The following DMGDH variants were observed in gnomAD, a reference collection of about 807,000 sequenced individuals.
DMGDH encodes dimethylglycine dehydrogenase, mitochondrial.
Under a neutral mutation model 95.2 loss-of-function variants are expected in DMGDH, and 76 were observed. That is an observed-to-expected ratio of 0.80 (90% CI 0.66 to 0.97). The LOEUF (loss-of-function observed/expected upper bound fraction) is 0.97. DMGDH is among the 50% of genes least tolerant of loss of function. The probability of loss-of-function intolerance (pLI) is 0.00; values close to 1 mark genes in which losing one functional copy is unlikely to be tolerated. For synonymous variants in DMGDH, 345 were observed against 377.6 expected (o/e 0.91, Z 1.00); for missense variants, 987 against 1,055.0 (o/e 0.94, Z 0.89).
chr5:79,029,826 T>C (rs918806785), intron 11 of DMGDH, 78 bp downstream of exon 11: 5 of 1,438,088 alleles, frequency 3.5e-6, no homozygotes, highest in African/African-American at 2.9e-5. Context: ...TTTCGAGTAC[T>C]GGTAAAAAGA....
chr5:79,017,074 T>C (rs1753747469), intron 14 of DMGDH, among the ~76,000 whole-genome samples: 1 of 151,640 alleles, frequency 6.6e-6, no homozygotes, highest in African/African-American at 2.4e-5. Context: ...ATGTAAAAAG[T>C]AAAATAATAA....
chr5:79,001,303 C>T (rs939495791), intron 15 of DMGDH, among the ~76,000 whole-genome samples: 2 of 152,178 alleles, frequency 1.3e-5, no homozygotes, highest in Non-Finnish European at 2.9e-5. Flanking sequence ...GCTGGGACTA[C>T]AGGTGTACAC....
chr5:79,041,091 C>T (rs1442126682), intron 7 of DMGDH, among the ~76,000 whole-genome samples: 1 of 152,160 alleles, frequency 6.6e-6, no homozygotes, highest in Non-Finnish European at 1.5e-5. Flanking sequence ...CATCATTTGC[C>T]ATTTTTCTCT....
At chr5:79,024,145 A>G (rs1333326620) in intron 14 of DMGDH, 126 bp downstream of exon 14, 1 of 814,560 alleles carries the variant, frequency 1.2e-6, no homozygotes, top group Non-Finnish European at 2.1e-6. Context: ...GAGCAATGCT[A>G]GTATTTATGT....
intron 12 of DMGDH, 131 bp downstream of exon 12, chr5:79,028,302 G>T: frequency 1.3e-6 from 1 of 770,528 alleles, no homozygotes. Context: ...ATGGACAAAA[G>T]TGAGTGTGAG....
chr5:79,050,399 GT>G (rs1754821532), intron 5 of DMGDH, among the ~76,000 whole-genome samples: 2 of 150,736 alleles, frequency 1.3e-5, no homozygotes, highest in Non-Finnish European at 2.9e-5. Context: ...AATAAAGATT[GT>G]TTTCATTTTA....
chr5:79,029,823 T>C (rs892247705), intron 11 of DMGDH, 81 bp downstream of exon 11: 2 of 1,391,838 alleles, frequency 1.4e-6, no homozygotes, highest in African/African-American at 1.4e-5. Flanking sequence ...TACTTTCGAG[T>C]ACTGGTAAAA....
At chr5:79,033,767 CA>C (rs1412534897) in intron 7 of DMGDH, among the ~76,000 whole-genome samples, 1 of 151,956 alleles carries the variant, frequency 6.6e-6, no homozygotes, top group Non-Finnish European at 1.5e-5. Flanking sequence ...CTCATCGCTA[CA>C]AAAAAATTAA....
chr5:79,024,854 G>A (rs1753955178), intron 13 of DMGDH, among the ~76,000 whole-genome samples: 3 of 152,186 alleles, frequency 2.0e-5, no homozygotes, highest in South Asian at 4.1e-4. Flanking sequence ...ACCAAGTCAG[G>A]GCTAACGCCA....
At chr5:79,000,531 TA>T in intron 15 of DMGDH, 2 of 589,794 alleles carry the variant, frequency 3.4e-6, no homozygotes, top group Non-Finnish European at 6.6e-6. Context: ...GAGATAATTC[TA>T]TTTCTCTTTG....
Position 79,032,703 on chromosome 5 carries a change from G to A in DMGDH, c.1501C>T (p.Gln501Ter), listed in dbSNP as rs769447340. ...EQPHWFYKPG[Q>*]DTQYRPSFRR... The stretch of plus-strand genomic sequence containing the variant: ...TTCTCCCACCTGTACTGAGTGTCCT[G>A]GCCTGGTTTGTAGAACCAGTGCGGC... The change falls in exon 9 of 16, where the codon CAG becomes TAG. Residue 501 changes from glutamine to a stop codon, truncating the protein, a stop_gained. Coordinates refer to ENST00000255189, the MANE Select transcript of DMGDH (RefSeq NM_013391.3). LOFTEE classifies it high-confidence loss of function. 8 of 1,614,114 alleles carry A rather than the reference G, an allele frequency of 5.0e-6. No individual in the cohort carries two copies. In the South Asian group the frequency reaches 8.8e-5, roughly 18 times the overall value.
intron 14 of DMGDH, among the ~76,000 whole-genome samples, chr5:79,014,472 T>C (rs16876289): frequency 0.06 from 9,085 of 152,314 alleles, 632 homozygotes; most frequent in African/African-American, 0.15. Flanking sequence ...ATTGCCCATT[T>C]GATATTTTAA....
chr5:79,013,837 C>T (rs1213875888), intron 14 of DMGDH, among the ~76,000 whole-genome samples: 11 of 152,134 alleles, frequency 7.2e-5, no homozygotes, highest in Admixed American at 2.6e-4. Context: ...TGAGAACCCA[C>T]TCACTATTGT....
chr5:79,038,528 C>G lies in DMGDH; in HGVS notation c.1193+3755G>C, dbSNP rs58979800. Among the ~76,000 whole-genome samples the G allele has an allele frequency of 2.9e-3, 434 of 152,186 alleles. 1 individual carries two copies. Among genetic ancestry groups the G allele is most frequent in the African/African-American group, 9.8e-3 (407 of 41,508 alleles). On this transcript the variant is annotated intron_variant, in intron 7 of 15. Transcript: ENST00000255189. ...TATAGTAGTCGCATAAGAATAGACA[C>G]AGATGAAGGAACAGAATTGAGAGTC...
intron 8 of DMGDH, 109 bp from the exon 9 acceptor site, chr5:79,032,949 A>T (rs1209803060): frequency 1.6e-6 from 2 of 1,212,542 alleles, no homozygotes; most frequent in East Asian, 4.7e-5. Context: ...ATGCATAAAC[A>T]TACATACATA....
intron 14 of DMGDH, among the ~76,000 whole-genome samples, chr5:79,005,734 G>C (rs1167216760): frequency 6.6e-6 from 1 of 152,216 alleles, no homozygotes; most frequent in Non-Finnish European, 1.5e-5. Flanking sequence ...GGTCTGGACA[G>C]TGGTACGGGC....
chr5:79,025,657 A>C (rs1038534127), intron 13 of DMGDH, among the ~76,000 whole-genome samples: 3 of 152,302 alleles, frequency 2.0e-5, no homozygotes, highest in Admixed American at 2.0e-4. Context: ...TTCAAACCCA[A>C]GAGTCCCCGC....
At chr5:79,057,555 A>G (rs926895497) in intron 2 of DMGDH, among the ~76,000 whole-genome samples, 1 of 151,676 alleles carries the variant, frequency 6.6e-6, no homozygotes. Context: ...GGCCCAGCTT[A>G]TAGGTCATCC....
intron 1 of DMGDH, among the ~76,000 whole-genome samples, chr5:79,064,310 G>A (rs962396443): frequency 5.9e-5 from 9 of 151,494 alleles, no homozygotes; most frequent in Non-Finnish European, 8.8e-5. Context: ...CCATGAGTGC[G>A]CCACTCCACT....
Sources: allele counts gnomAD v4.1 joint callset (sites outside exome capture counted in the v4.1 genomes callset), GRCh38; gene constraint gnomAD v4.1.1; transcripts MANE v1.5; gene names NCBI Gene and HGNC (gene_info 2026-07-23, HGNC 2026-07-21).